Variants in SLC7A1 observed in about 807,000 individuals in gnomAD.
SLC7A1 encodes solute carrier family 7 member 1, also known as high affinity cationic amino acid transporter 1.
A neutral mutation model predicts 53.9 loss-of-function variants in SLC7A1; 10 were observed. That is an observed-to-expected ratio of 0.19 (90% CI 0.11 to 0.31). The LOEUF is 0.31. SLC7A1 is among the 10% of genes least tolerant of loss of function. SLC7A1 has a pLI of 1.00. For missense variants in SLC7A1, 525 were observed against 827.2 expected (o/e 0.63, Z 4.48); for synonymous variants, 342 against 338.7 (o/e 1.01, Z -0.11).
intron 5 of SLC7A1, among the ~76,000 whole-genome samples, chr13:29,529,243 C>T (rs1282168464): frequency 6.6e-6 from 1 of 152,144 alleles, no homozygotes; most frequent in East Asian, 1.9e-4. Flanking sequence ...TTTCGTGCAC[C>T]GAATGCCATA....
intron 5 of SLC7A1, among the ~76,000 whole-genome samples, chr13:29,525,096 C>T (rs542104529): frequency 6.6e-6 from 1 of 152,328 alleles, no homozygotes; most frequent in South Asian, 2.1e-4. Context: ...TGGGGGTGCA[C>T]CATGCAGTCA....
rs1040688735 is a variant in SLC7A1, at chr13:29,512,679, T to C, written c.*1801A>G. The C allele has an allele frequency of 6.6e-6, 1 of 152,222 alleles. No homozygotes were observed. The highest frequency in any genetic ancestry group is 2.4e-5 in the African/African-American group (1 of 41,460). The allele number at this position is 152,222 out of a possible 1,614,324, so 9.4% of individuals were successfully genotyped here. A position where few individuals can be genotyped will look rare whatever the true frequency, so the allele number is the denominator to read the frequency against. On this transcript the variant is annotated 3_prime_UTR_variant, in exon 13 of 13. Transcript: ENST00000380752. ...CAACACCAATCTCCATAAATGTCAA[T>C]ATCACTCTTTGGAAATCGGAGCTCT...
chr13:29,519,529 C>A lies in SLC7A1; in HGVS notation c.1210G>T (p.Asp404Tyr). The change falls in exon 9 of 13, where the codon GAC becomes TAC. Residue 404 changes from aspartate to tyrosine, a missense_variant. Coordinates refer to ENST00000380752, the MANE Select transcript of SLC7A1 (RefSeq NM_003045.5). ...AVAAVMAFLF[D>Y]LKDLVDLMSI... ...ATGAGGTCCACCAAGTCCTTCAGGTCAAAGAGGAAGGCCATCACAGCTGGG... is the reference window on the plus strand; with the variant it reads ...ATGAGGTCCACCAAGTCCTTCAGGTAAAAGAGGAAGGCCATCACAGCTGGG... 6.2e-7 allele frequency: 1 copy of A among 1,612,370 alleles called. No individual in the cohort carries two copies. The highest frequency in any genetic ancestry group is 1.1e-5 in the South Asian group (1 of 90,912).
chr13:29,566,827 T>C (rs202178132), intron 1 of SLC7A1, among the ~76,000 whole-genome samples: 1 of 152,224 alleles, frequency 6.6e-6, no homozygotes, highest in East Asian at 1.9e-4. Context: ...GACCCCAGTA[T>C]AGTTTTCCCA....
At chr13:29,571,106 C>T (rs1593576585) in intron 1 of SLC7A1, among the ~76,000 whole-genome samples, 1 of 152,068 alleles carries the variant, frequency 6.6e-6, no homozygotes, top group East Asian at 1.9e-4. Flanking sequence ...TTTTGCCATA[C>T]CATATGAAGG....
chr13:29,581,823 C>T (rs1208872149), intron 1 of SLC7A1, among the ~76,000 whole-genome samples: 2 of 152,204 alleles, frequency 1.3e-5, no homozygotes, highest in African/African-American at 2.4e-5. Context: ...ACCTCTCCTT[C>T]GCCCATTTCA....
intron 1 of SLC7A1, among the ~76,000 whole-genome samples, chr13:29,590,570 G>A (rs780769588): frequency 2.6e-5 from 4 of 152,100 alleles, no homozygotes; most frequent in Non-Finnish European, 5.9e-5. Context: ...AAGAGAGATG[G>A]CTTCAAGTCC....
At chr13:29,515,641 C>T (rs924037019) in intron 12 of SLC7A1, among the ~76,000 whole-genome samples, 1 of 152,196 alleles carries the variant, frequency 6.6e-6, no homozygotes, top group African/African-American at 2.4e-5. Flanking sequence ...TGCCCAGAGG[C>T]GTGGGACTAC....
chr13:29,524,328 T>G, intron 5 of SLC7A1, 75 bp from the exon 6 acceptor site: 1 of 1,577,140 alleles, frequency 6.3e-7, no homozygotes, highest in Non-Finnish European at 8.7e-7. Context: ...GCTCATCTCC[T>G]GATATGAGCG....
At chr13:29,580,865 TAC>T (rs1294811600) in intron 1 of SLC7A1, among the ~76,000 whole-genome samples, 1 of 151,838 alleles carries the variant, frequency 6.6e-6, no homozygotes, top group Non-Finnish European at 1.5e-5. Context: ...AACAAGGCAA[TAC>T]ACACACGGCT....
intron 2 of SLC7A1, among the ~76,000 whole-genome samples, chr13:29,552,464 C>A (rs1329766713): frequency 6.6e-6 from 1 of 152,112 alleles, no homozygotes; most frequent in African/African-American, 2.4e-5. Flanking sequence ...AAAAACTGGC[C>A]CCAAAACTGG....
chr13:29,574,282 C>G (rs1871317076), intron 1 of SLC7A1, among the ~76,000 whole-genome samples: 1 of 152,244 alleles, frequency 6.6e-6, no homozygotes, highest in Non-Finnish European at 1.5e-5. Flanking sequence ...TGTTATCACT[C>G]TAGCTGTGGG....
At chr13:29,528,261 C>G (rs1868990531) in intron 5 of SLC7A1, among the ~76,000 whole-genome samples, 1 of 152,238 alleles carries the variant, frequency 6.6e-6, no homozygotes, top group African/African-American at 2.4e-5. Context: ...TCCAACAAAA[C>G]CTTCTCAACA....
chr13:29,517,884 C>G, intron 9 of SLC7A1, 94 bp from the exon 10 acceptor site: 1 of 918,828 alleles, frequency 1.1e-6, no homozygotes. Context: ...AAGTGAGCTG[C>G]CCGGGACACA....
intron 8 of SLC7A1, among the ~76,000 whole-genome samples, chr13:29,521,943 T>C (rs1225741729): frequency 6.6e-6 from 1 of 152,158 alleles, no homozygotes; most frequent in Non-Finnish European, 1.5e-5. Flanking sequence ...GACGCCGAAT[T>C]TCCAGGTACT....
At chr13:29,536,782 A>C (rs1436730894) in intron 2 of SLC7A1, among the ~76,000 whole-genome samples, 1 of 152,248 alleles carries the variant, frequency 6.6e-6, no homozygotes, top group East Asian at 1.9e-4. Flanking sequence ...AAGCAGAAAA[A>C]TGTTGAGTTA....
Position 29,524,197 on chromosome 13 carries a change from C to T in SLC7A1, c.761G>A (p.Gly254Asp). 1.2e-6 allele frequency: 2 copies of T among 1,614,168 alleles called. No individual in the cohort carries two copies. Among genetic ancestry groups the T allele is most frequent in the Non-Finnish European group, 8.5e-7 (1 of 1,180,000 alleles). The change falls in exon 6 of 13, where the codon GGT (glycine) becomes GAT (aspartate). Residue 254 changes from glycine to aspartate, a missense_variant. Coordinates refer to ENST00000380752, the MANE Select transcript of SLC7A1 (RefSeq NM_003045.5). The part of the protein sequence containing the change: ...VGGFMPFGFS[G>D]VLSGAATCFY... ...GCAAGTCGCTGCCCCCGACAGGACA[C>T]CAGAGAACCCGAAGGGCATGAATCC...
intron 1 of SLC7A1, among the ~76,000 whole-genome samples, chr13:29,572,899 T>G (rs1871259807): frequency 6.6e-6 from 1 of 152,122 alleles, no homozygotes; most frequent in Admixed American, 6.5e-5. Flanking sequence ...GCTGCACAAT[T>G]TGATGGAGGA....
chr13:29,591,509 G>T (rs921010363), intron 1 of SLC7A1, among the ~76,000 whole-genome samples: 8 of 152,164 alleles, frequency 5.3e-5, no homozygotes, highest in Non-Finnish European at 7.3e-5. Flanking sequence ...CTGCTAGATG[G>T]TTTCTACAAT....
Sources: allele counts gnomAD v4.1 joint callset (sites outside exome capture counted in the v4.1 genomes callset), GRCh38; gene constraint gnomAD v4.1.1; transcripts MANE v1.5; gene names NCBI Gene and HGNC (gene_info 2026-07-23, HGNC 2026-07-21).